The following COL13A1 variants were observed in gnomAD, a reference collection of about 807,000 sequenced individuals.
COL13A1 encodes the protein collagen alpha-1(XIII) chain.
Under a neutral mutation model 130.9 loss-of-function variants are expected in COL13A1, and 89 were observed. The observed-to-expected ratio is 0.68, with a 90% CI of 0.57 to 0.81. The LOEUF (loss-of-function observed/expected upper bound fraction) is 0.81. COL13A1 is among the 30% of genes least tolerant of loss of function. COL13A1 has a pLI of 0.00. For missense variants in COL13A1, 879 were observed against 934.6 expected, an observed-to-expected ratio of 0.94 and a Z score of 0.78; for synonymous variants, 402 against 341.6, an observed-to-expected ratio of 1.18 and a Z score of -1.95.
At chr10:69,927,442 T>G (rs921115770) in intron 27 of COL13A1, among the ~76,000 whole-genome samples, 1 of 152,198 alleles carries the variant, frequency 6.6e-6, no homozygotes, top group African/African-American at 2.4e-5. Flanking sequence ...GAGGAGGATG[T>G]TTTTAATGTT....
chr10:69,931,799 G>A (rs570260657), intron 30 of COL13A1, among the ~76,000 whole-genome samples: 1 of 152,334 alleles, frequency 6.6e-6, no homozygotes, highest in South Asian at 2.1e-4. Context: ...CACTGCAAAC[G>A]TAGCGGCCTA....
At chr10:69,822,463 C>T in intron 2 of COL13A1, 25 bp downstream of exon 2, 1 of 1,557,166 alleles carries the variant, frequency 6.4e-7, no homozygotes, top group Non-Finnish European at 8.7e-7. Flanking sequence ...AAATAGGTGA[C>T]CGCGGATGTT....
chr10:69,887,512 T>G, intron 8 of COL13A1, 21 bp downstream of exon 8: 1 of 1,613,442 alleles, frequency 6.2e-7, no homozygotes, highest in South Asian at 1.1e-5. Flanking sequence ...AAGGCTGAAG[T>G]TAGCTGTGTC....
chr10:69,958,573 C>T, intron 40 of COL13A1, 126 bp from the exon 41 acceptor site: 1 of 1,463,170 alleles, frequency 6.8e-7, no homozygotes, highest in Non-Finnish European at 9.3e-7. Context: ...CTCAGGGTTC[C>T]CACAGTTCTC....
chr10:69,832,091 C>T (rs892528972), intron 2 of COL13A1, among the ~76,000 whole-genome samples: 2 of 152,120 alleles, frequency 1.3e-5, no homozygotes, highest in South Asian at 2.1e-4. Context: ...TGTGAGGTCC[C>T]GAAGGCAATG....
chr10:69,951,745 A>G (rs1238209334), intron 38 of COL13A1, among the ~76,000 whole-genome samples: 1 of 152,174 alleles, frequency 6.6e-6, no homozygotes, highest in Non-Finnish European at 1.5e-5. Flanking sequence ...TAACTTCACA[A>G]AGTCACGCAG....
intron 2 of COL13A1, among the ~76,000 whole-genome samples, chr10:69,863,881 A>G (rs978856227): frequency 1.3e-5 from 2 of 152,194 alleles, no homozygotes; most frequent in Admixed American, 1.3e-4. Context: ...GTTTGAGACC[A>G]GCCTGGGCAA....
rs568338257 is a variant in COL13A1 at position 69,869,848 on chromosome 10, T to C, written c.372+2043T>C. ...GATGACCAAGGGAAGTAGGGATGTA[T>C]CTTTCTCTGAAGGAATATAGGGAAA... On this transcript the variant is annotated intron_variant, in intron 3 of 40. Coordinates refer to ENST00000645393, the MANE Select transcript of COL13A1 (RefSeq NM_001368882.1). 1.0e-3 allele frequency among the ~76,000 whole-genome samples: 152 copies of C among 152,350 alleles called. 1 individual carries two copies. Among genetic ancestry groups the C allele is most frequent in the Non-Finnish European group, 1.7e-3 (116 of 68,032 alleles).
intron 24 of COL13A1, 21 bp downstream of exon 24, chr10:69,923,876 CA>C: frequency 6.2e-7 from 1 of 1,609,256 alleles, no homozygotes; most frequent in South Asian, 1.1e-5. Flanking sequence ...CCCCACATCC[CA>C]GAGCTGCAAG....
intron 10 of COL13A1, among the ~76,000 whole-genome samples, chr10:69,891,900 A>G (rs1384413372): frequency 2.6e-5 from 4 of 152,206 alleles, no homozygotes; most frequent in African/African-American, 9.7e-5. Flanking sequence ...ACAACAGCTG[A>G]GATTCAGACC....
intron 10 of COL13A1, among the ~76,000 whole-genome samples, chr10:69,892,196 G>C (rs11817889): frequency 0.42 from 63,417 of 151,984 alleles, 13,952 homozygotes; most frequent in Middle Eastern, 0.52. Context: ...CTTGGCATGG[G>C]TACCCGAGCT....
chr10:69,820,972 T>C (rs1845934630), intron 1 of COL13A1, among the ~76,000 whole-genome samples: 1 of 152,228 alleles, frequency 6.6e-6, no homozygotes, highest in African/African-American at 2.4e-5. Context: ...ACCACCCTTA[T>C]GACACCTCCC....
chr10:69,850,266 G>A lies in COL13A1; in HGVS notation c.365-17532G>A, dbSNP rs140744039. 2.0e-3 allele frequency among the ~76,000 whole-genome samples: 308 copies of A among 150,562 alleles called. 1 individual carries two copies. The highest frequency in any genetic ancestry group is 0.018 in the East Asian group (92 of 5,004). ...AAGTTTAGACTGTGCGACACAGTAC[G>A]ATACAGGGCAAAAGGCAGATTCTGG... is the stretch of plus-strand genomic sequence containing the variant. On this transcript the variant is annotated intron_variant, in intron 2 of 40. Transcript: ENST00000645393.
In COL13A1 at chr10:69,864,872, G is replaced by C. The variant is rs74364176; in HGVS notation, c.365-2926G>C. 5.1e-3 allele frequency among the ~76,000 whole-genome samples: 776 copies of C among 152,312 alleles called. 8 individuals carry two copies. Among genetic ancestry groups the C allele is most frequent in the African/African-American group, 0.018 (731 of 41,580 alleles). ...CAGAATGTCCCCACCCTGGATGGCT[G>C]TTGTGACCCTCTCCTGACAGCCCTG... is the stretch of plus-strand genomic sequence containing the variant. On this transcript the variant is annotated intron_variant, in intron 2 of 40. Transcript: ENST00000645393.
intron 2 of COL13A1, among the ~76,000 whole-genome samples, chr10:69,833,728 G>C (rs541627463): frequency 1.9e-4 from 29 of 152,242 alleles, no homozygotes; most frequent in Admixed American, 1.4e-3. Flanking sequence ...AAAGAATAGA[G>C]ACCTGAACAA....
chr10:69,813,323 C>T (rs146250051), intron 1 of COL13A1, among the ~76,000 whole-genome samples: 26 of 152,308 alleles, frequency 1.7e-4, no homozygotes, highest in African/African-American at 5.3e-4. Context: ...TTCCTTGACT[C>T]CTTGCGGCAG....
intron 2 of COL13A1, among the ~76,000 whole-genome samples, 191 bp downstream of exon 2, chr10:69,822,629 A>T (rs558384608): frequency 6.6e-5 from 10 of 152,226 alleles, no homozygotes; most frequent in African/African-American, 2.4e-4. Context: ...CCATCAGTCC[A>T]CCCACCATTC....
intron 1 of COL13A1, among the ~76,000 whole-genome samples, chr10:69,822,158 C>T (rs755669648): frequency 1.1e-4 from 17 of 152,168 alleles, no homozygotes; most frequent in Non-Finnish European, 1.8e-4. Flanking sequence ...AGACATCAGA[C>T]GCTGTGATTA....
chr10:69,878,180 G>A (rs2059794604), intron 6 of COL13A1, 115 bp downstream of exon 6: 1 of 669,108 alleles, frequency 1.5e-6, no homozygotes, highest in Non-Finnish European at 2.8e-6. Flanking sequence ...GGTGCTGGCT[G>A]GGCCTGCTGC....
Sources: allele counts gnomAD v4.1 joint callset (sites outside exome capture counted in the v4.1 genomes callset), GRCh38; gene constraint gnomAD v4.1.1; transcripts MANE v1.5; gene names NCBI Gene and HGNC (gene_info 2026-07-23, HGNC 2026-07-21).